The following DZANK1 variants were observed in gnomAD, a reference collection of about 807,000 sequenced individuals.
DZANK1 encodes the protein double zinc ribbon and ankyrin repeat domains 1.
A neutral mutation model predicts 94.5 loss-of-function variants in DZANK1; 91 were observed. The ratio of observed to expected loss-of-function variants is 0.96; its 90% confidence interval spans 0.81 to 1.15. The LOEUF (loss-of-function observed/expected upper bound fraction) is 1.15. Ranked by LOEUF, DZANK1 falls within the 50% of genes most tolerant of loss-of-function variation. The pLI is 0.00. For synonymous variants in DZANK1, 312 were observed against 325.3 expected, an observed-to-expected ratio of 0.96 and a Z score of 0.44; for missense variants, 903 against 916.4, an observed-to-expected ratio of 0.99 and a Z score of 0.19.
At chr20:18,394,599 G>C in intron 15 of DZANK1, 1 of 659,078 alleles carries the variant, frequency 1.5e-6, no homozygotes, top group Non-Finnish European at 2.8e-6. Flanking sequence ...CAGCCCCCTC[G>C]TCTCACATTG....
At position 18,441,676 on chromosome 20, in the gene DZANK1, G is replaced by T. The variant is rs2148676761; in HGVS notation, c.747+1671C>A. ...ACCGGATGGCAGAGAAGTTCACTGA[G>T]GTGACACAGATCAGAGCCAGCAAGG... On this transcript the variant is annotated intron_variant, in intron 8 of 20. Coordinates refer to ENST00000262547, the Ensembl canonical transcript of DZANK1. This position sits in a 1 kb window ranked among gnomAD's most constrained non-coding sequence, Gnocchi z 4.1. Among the ~76,000 whole-genome samples the T allele has an allele frequency of 6.6e-6, 1 of 152,330 alleles. No individual in the cohort carries two copies. The highest frequency in any genetic ancestry group is 6.5e-5 in the Admixed American group (1 of 15,294).
At chr20:18,417,733 T>C (rs1189236455) in intron 10 of DZANK1, among the ~76,000 whole-genome samples, 1 of 152,118 alleles carries the variant, frequency 6.6e-6, no homozygotes, top group East Asian at 1.9e-4. Flanking sequence ...TTTTTCCTTC[T>C]GGTAATGATA....
chr20:18,420,760 A>G (rs76360438), intron 10 of DZANK1: 8,926 of 182,870 alleles, frequency 0.049, 766 homozygotes, highest in South Asian at 0.14. Context: ...TGAGCTTCCT[A>G]ACAATTTTAG....
At chr20:18,445,793 G>C (rs1260463605) in intron 7 of DZANK1, among the ~76,000 whole-genome samples, 1 of 152,126 alleles carries the variant, frequency 6.6e-6, no homozygotes, top group African/African-American at 2.4e-5. Flanking sequence ...GTCTTCCTCT[G>C]TCGCACAGGC....
chr20:18,390,680 G>A (rs1465885082), intron 17 of DZANK1, among the ~76,000 whole-genome samples: 3 of 152,110 alleles, frequency 2.0e-5, no homozygotes, highest in African/African-American at 2.4e-5. Context: ...GTTACCGCAT[G>A]GACACTATTT....
chr20:18,412,687 C>T (rs2057314272), exon 13 of DZANK1: 1 of 1,613,358 alleles, frequency 6.2e-7, no homozygotes, highest in Non-Finnish European at 8.5e-7. Flanking sequence ...TTTATGGTCA[C>T]TCATTTTCTC....
intron 15 of DZANK1, 25 bp from the exon 16 acceptor site, chr20:18,394,375 C>A (rs754181231): frequency 1.2e-6 from 2 of 1,603,708 alleles, no homozygotes; most frequent in Non-Finnish European, 1.7e-6. Context: ...CATTTAAACA[C>A]CATGAATGAT....
At chr20:18,412,677 T>C in exon 13 of DZANK1, 1 of 1,612,730 alleles carries the variant, frequency 6.2e-7, no homozygotes, top group South Asian at 1.1e-5. Flanking sequence ...TCAGGAGGGG[T>C]TTATGGTCAC....
At chr20:18,437,203 T>G (rs2058556718) in intron 8 of DZANK1, among the ~76,000 whole-genome samples, 1 of 152,214 alleles carries the variant, frequency 6.6e-6, no homozygotes, top group Admixed American at 6.5e-5. Flanking sequence ...TTTTTCAGTT[T>G]ATAACATATA....
chr20:18,433,414 C>T (rs528093327), intron 9 of DZANK1: 22 of 450,996 alleles, frequency 4.9e-5, no homozygotes, highest in East Asian at 2.7e-4. Context: ...TGGTGGTGCA[C>T]GCCTGTAGTT....
chr20:18,439,458 T>C (rs372478681), intron 8 of DZANK1, among the ~76,000 whole-genome samples: 1 of 152,170 alleles, frequency 6.6e-6, no homozygotes, highest in Admixed American at 6.5e-5. Flanking sequence ...TTTTCAATTA[T>C]ATAGACCAGG....
At chr20:18,415,297 T>C (rs762998522) in intron 11 of DZANK1, 30 bp downstream of exon 11, 1 of 1,500,294 alleles carries the variant, frequency 6.7e-7, no homozygotes, top group Non-Finnish European at 8.9e-7. Flanking sequence ...AGGTGCTCAG[T>C]ATACAGAATC....
intron 13 of DZANK1, among the ~76,000 whole-genome samples, chr20:18,412,107 G>A (rs955714508): frequency 1.3e-5 from 2 of 152,080 alleles, no homozygotes; most frequent in African/African-American, 4.8e-5. Context: ...GCATGTAGCT[G>A]GGACCACAGG....
At chr20:18,430,527 A>C (rs2058239652) in intron 9 of DZANK1, among the ~76,000 whole-genome samples, 1 of 152,206 alleles carries the variant, frequency 6.6e-6, no homozygotes, top group South Asian at 2.1e-4. Context: ...GAAAACGGCC[A>C]ATGGAGGCCA....
At chr20:18,385,044 C>T (rs2148104305) in exon 20 of DZANK1, 1 of 1,553,266 alleles carries the variant, frequency 6.4e-7, no homozygotes, top group Middle Eastern at 1.7e-4. Context: ...CTCTCTCTTC[C>T]TGCAAGGCCA....
intron 19 of DZANK1, among the ~76,000 whole-genome samples, chr20:18,389,361 C>T (rs2048706328): frequency 6.6e-6 from 1 of 152,126 alleles, no homozygotes; most frequent in East Asian, 1.9e-4. Flanking sequence ...GTCTGTCTTC[C>T]CTTGGTGTTT....
At chr20:18,436,716 C>G (rs992993949) in intron 8 of DZANK1, among the ~76,000 whole-genome samples, 1 of 152,064 alleles carries the variant, frequency 6.6e-6, no homozygotes, top group African/African-American at 2.4e-5. Context: ...CTCAGCACAT[C>G]CAATAAGCTC....
At chr20:18,427,347 T>G (rs748312325) in intron 9 of DZANK1, among the ~76,000 whole-genome samples, 188 bp from the exon 10 acceptor site, 2 of 150,478 alleles carry the variant, frequency 1.3e-5, no homozygotes, top group African/African-American at 4.9e-5. Context: ...TTTTTTGGGT[T>G]TTTTTTTTTC....
intron 8 of DZANK1, among the ~76,000 whole-genome samples, chr20:18,438,102 C>G (rs1601034077): frequency 6.6e-6 from 1 of 150,912 alleles, no homozygotes; most frequent in African/African-American, 2.4e-5. Flanking sequence ...GCTTCTAGTC[C>G]CAGCTACTCG....
Sources: allele counts gnomAD v4.1 joint callset (sites outside exome capture counted in the v4.1 genomes callset), GRCh38; gene constraint gnomAD v4.1.1; non-coding constraint Gnocchi (gnomAD v3.1); transcripts MANE v1.5; gene names NCBI Gene and HGNC (gene_info 2026-07-23, HGNC 2026-07-21).